Variants in ACSS3 observed in about 807,000 individuals in gnomAD.
ACSS3 encodes the protein acyl-CoA synthetase short chain family member 3.
In ACSS3, 64 loss-of-function variants were observed where a neutral mutation model predicts 84.2. The ratio of observed to expected loss-of-function variants is 0.76; its 90% CI spans 0.62 to 0.94. The LOEUF (loss-of-function observed/expected upper bound fraction) is 0.94, where lower values mean the gene tolerates loss of function less well. Ranked by LOEUF, ACSS3 falls within the 40% of genes least tolerant of loss-of-function variation. The pLI is 0.00. For synonymous variants in ACSS3, 317 were observed against 310.1 expected (o/e 1.02, Z -0.23); for missense variants, 815 against 867.6 (o/e 0.94, Z 0.76).
intron 11 of ACSS3, among the ~76,000 whole-genome samples, chr12:81,229,920 C>A (rs1453120191): frequency 6.6e-6 from 1 of 151,860 alleles, no homozygotes; most frequent in East Asian, 1.9e-4. Flanking sequence ...CTTGTAACAG[C>A]ATTTTGTTCC....
chr12:81,135,498 C>G (rs1020224672), intron 3 of ACSS3, among the ~76,000 whole-genome samples: 1 of 148,938 alleles, frequency 6.7e-6, no homozygotes, highest in African/African-American at 2.5e-5. Flanking sequence ...GAATACTTCT[C>G]AGCCATAACA....
intron 1 of ACSS3, among the ~76,000 whole-genome samples, chr12:81,095,740 G>A (rs940672696): frequency 1.3e-5 from 2 of 152,128 alleles, no homozygotes; most frequent in Non-Finnish European, 2.9e-5. Flanking sequence ...GAGATGATCT[G>A]GCAAGGCGGA....
At chr12:81,184,808 T>C (rs2031160456) in intron 8 of ACSS3, among the ~76,000 whole-genome samples, 1 of 151,622 alleles carries the variant, frequency 6.6e-6, no homozygotes, top group Non-Finnish European at 1.5e-5. Flanking sequence ...TACCAAACAT[T>C]CAAAAATAAT....
chr12:81,137,361 A>C (rs1036705856), intron 3 of ACSS3, among the ~76,000 whole-genome samples: 25 of 147,480 alleles, frequency 1.7e-4, no homozygotes, highest in African/African-American at 5.9e-4. Flanking sequence ...ACACACACAC[A>C]CACCCCTAAT....
intron 7 of ACSS3, among the ~76,000 whole-genome samples, chr12:81,166,296 C>G (rs1486183738): frequency 6.6e-6 from 1 of 152,184 alleles, no homozygotes; most frequent in Non-Finnish European, 1.5e-5. Flanking sequence ...TCAGCTAGGA[C>G]AACCAATATA....
chr12:81,149,594 G>C (rs1282247955), intron 5 of ACSS3, among the ~76,000 whole-genome samples: 2 of 152,222 alleles, frequency 1.3e-5, no homozygotes, highest in African/African-American at 2.4e-5. Flanking sequence ...TGCAGATCTA[G>C]AGTCTAGATT....
chr12:81,239,781 G>A (rs554320319), intron 13 of ACSS3, among the ~76,000 whole-genome samples: 17 of 152,018 alleles, frequency 1.1e-4, no homozygotes, highest in Middle Eastern at 3.4e-3. Flanking sequence ...CAGCCAAACC[G>A]TATCAGAAAG....
chr12:81,104,009 T>C (rs1018960560), intron 1 of ACSS3, among the ~76,000 whole-genome samples: 4 of 152,120 alleles, frequency 2.6e-5, no homozygotes, highest in African/African-American at 9.7e-5. Context: ...CAGTAAAAGA[T>C]TGATAAATGT....
At chr12:81,139,782 C>A (rs35343991) in intron 4 of ACSS3, among the ~76,000 whole-genome samples, 1 of 151,476 alleles carries the variant, frequency 6.6e-6, no homozygotes. Flanking sequence ...ACTACAGGTG[C>A]CTGCCACCAC....
chr12:81,083,144 G>A (rs924705961), intron 1 of ACSS3, among the ~76,000 whole-genome samples: 1 of 152,142 alleles, frequency 6.6e-6, no homozygotes, highest in Non-Finnish European at 1.5e-5. Context: ...TGTCTGAGTT[G>A]CTGGGACTTA....
intron 11 of ACSS3, among the ~76,000 whole-genome samples, chr12:81,220,324 A>G (rs1234212166): frequency 6.6e-6 from 1 of 152,066 alleles, no homozygotes; most frequent in Admixed American, 6.6e-5. Flanking sequence ...TTCATTTTAC[A>G]GGTTATGTAT....
At chr12:81,163,805 A>C (rs1308149338) in intron 7 of ACSS3, among the ~76,000 whole-genome samples, 1 of 152,240 alleles carries the variant, frequency 6.6e-6, no homozygotes, top group Non-Finnish European at 1.5e-5. Flanking sequence ...AAATGGAAAA[A>C]ACTTATAGAA....
chr12:81,109,742 A>G (rs765902810), intron 2 of ACSS3, 38 bp downstream of exon 2: 2 of 1,450,644 alleles, frequency 1.4e-6, no homozygotes, highest in Admixed American at 2.3e-5. Context: ...ATATGAATTC[A>G]TATAGAAATT....
rs1883166818 is a variant in ACSS3 at position 81,107,552 on chromosome 12, A to ATATATATG, written c.312-2001_312-2000insGTATATAT. On this transcript the variant is annotated intron_variant, in intron 1 of 15. Coordinates refer to ENST00000548058, the MANE Select transcript of ACSS3 (RefSeq NM_024560.4). The stretch of plus-strand genomic sequence containing the variant: ...TATATATATATATATATATATATAT[A>ATATATATG]TATATATAAATGTTTTTGTGGGAAA... Among the ~76,000 whole-genome samples, 4 of 103,374 alleles carry ATATATATG rather than the reference A, an allele frequency of 3.9e-5. No individual in the cohort carries two copies. In the East Asian group the frequency reaches 8.2e-4, roughly 21 times the overall value. The allele number at this position is 103,374 out of a possible 152,430, so 67.8% of individuals were successfully genotyped here. A position where few individuals can be genotyped will look rare whatever the true frequency, so the allele number is the denominator to read the frequency against.
At position 81,261,110 on chromosome 12, in the gene ACSS3, T is replaced by C. The variant is rs1175403535; in HGVS notation, c.*6188T>C. On this transcript the variant is annotated 3_prime_UTR_variant, in exon 16 of 16. Transcript: ENST00000548058. ...CCATTCTTAAAGTAATTTTATTTTG[T>C]TCCTATATGTCTTAAATACTTAAAA... 1 of 152,240 alleles carries C rather than the reference T, an allele frequency of 6.6e-6. No individual in the cohort carries two copies. The highest frequency in any genetic ancestry group is 2.1e-4 in the South Asian group (1 of 4,836). 9.4% of individuals were successfully genotyped at this position (152,240 alleles called of 1,614,324 possible).
chr12:81,152,350 C>CAG (rs10650882), intron 7 of ACSS3, among the ~76,000 whole-genome samples: 93,970 of 151,814 alleles, frequency 0.62, 29,947 homozygotes, highest in Non-Finnish European at 0.7. Context: ...CTATCCCTAA[C>CAG]ATTTCTAGAA....
At chr12:81,138,477 C>T (rs1412843036) in intron 3 of ACSS3, among the ~76,000 whole-genome samples, 1 of 152,110 alleles carries the variant, frequency 6.6e-6, no homozygotes, top group African/African-American at 2.4e-5. Context: ...ATACATTTTG[C>T]CTACACCTGT....
At chr12:81,158,159 A>G (rs1241341390) in intron 7 of ACSS3, among the ~76,000 whole-genome samples, 2 of 152,086 alleles carry the variant, frequency 1.3e-5, no homozygotes, top group African/African-American at 2.4e-5. Context: ...AACATATTGT[A>G]GTTTTGCAGT....
chr12:81,224,899 C>A (rs2033223264), intron 11 of ACSS3, among the ~76,000 whole-genome samples: 1 of 151,826 alleles, frequency 6.6e-6, no homozygotes, highest in Admixed American at 6.6e-5. Flanking sequence ...TGCTTGTGTG[C>A]AACCAACCTT....
Sources: gnomAD v4.1 joint callset for allele counts (sites outside exome capture counted in the v4.1 genomes callset) on GRCh38, gnomAD v4.1.1 for gene constraint, MANE v1.5 for transcripts, NCBI Gene and HGNC (gene_info 2026-07-23, HGNC 2026-07-21) for gene names.